KCNMA1: variants seen among roughly 807,000 people sequenced by gnomAD.
The protein encoded by KCNMA1 is potassium calcium-activated channel subfamily M alpha 1.
KCNMA1 carries 29 observed loss-of-function variants against 140.0 expected under a neutral mutation model. The observed-to-expected ratio is 0.21, with a 90% confidence interval of 0.15 to 0.28. The LOEUF (loss-of-function observed/expected upper bound fraction) is 0.28. Ranked by LOEUF, KCNMA1 falls within the 10% of genes least tolerant of loss-of-function variation. The pLI, the probability that KCNMA1 is intolerant of heterozygous loss-of-function variation, is 1.00. For missense variants in KCNMA1, 880 were observed against 1,602.2 expected, an observed-to-expected ratio of 0.55 and a Z score of 7.70; for synonymous variants, 612 against 611.9, an observed-to-expected ratio of 1.00 and a Z score of 0.00.
At chr10:76,899,564 C>T (rs564483849) in intron 25 of KCNMA1, among the ~76,000 whole-genome samples, 55 of 152,208 alleles carry the variant, frequency 3.6e-4, no homozygotes, top group African/African-American at 1.2e-3. Context: ...TCTGGGGCTG[C>T]TTTGGTGCTA....
Position 77,480,527 on chromosome 10 carries a change from A to G in KCNMA1, c.379-76504T>C, listed in dbSNP as rs534881724. Reference sequence around the variant, plus strand: ...TATTAAAGCATCCCAGAAAAAAAGAAACAGTCCCCATATCCTAGAGCAAGA... The same window carrying G: ...TATTAAAGCATCCCAGAAAAAAAGAGACAGTCCCCATATCCTAGAGCAAGA... On this transcript the variant is annotated intron_variant, in intron 1 of 27. Transcript: ENST00000286628. 2.6e-5 allele frequency among the ~76,000 whole-genome samples: 4 copies of G among 152,342 alleles called. No individual in the cohort carries two copies. In the South Asian group the frequency reaches 8.3e-4, roughly 32 times the overall value.
intron 13 of KCNMA1, 131 bp from the exon 14 acceptor site, chr10:77,073,383 G>T: frequency 1.1e-6 from 1 of 903,482 alleles, no homozygotes; most frequent in South Asian, 1.4e-5. Flanking sequence ...CCCTTGCTGC[G>T]GTCTGATGTT....
chr10:77,361,267 TTGGGGCAGACAAA>T (rs1314707122), intron 2 of KCNMA1, among the ~76,000 whole-genome samples: 3 of 152,204 alleles, frequency 2.0e-5, no homozygotes, highest in African/African-American at 7.2e-5. Context: ...ATCATCATCA[TTGGGGCAGACAAA>T]TCTCAGACCA....
rs1221711272 is a variant in KCNMA1, at chr10:77,332,205, C to G, written c.540+71657G>C. 6.6e-5 allele frequency among the ~76,000 whole-genome samples: 10 copies of G among 151,840 alleles called. No individual in the cohort carries two copies. In the East Asian group the frequency reaches 1.5e-3, roughly 23 times the overall value. ...CTGAATTTGGGGCCCAAAGCTGAGA[C>G]CTAAAGCGTGCACAGGAGTTGGCCA... On this transcript the variant is annotated intron_variant, in intron 2 of 27. Coordinates refer to ENST00000286628, the MANE Select transcript of KCNMA1 (RefSeq NM_001161352.2).
intron 1 of KCNMA1, among the ~76,000 whole-genome samples, chr10:77,469,612 TC>T (rs1223946753): frequency 2.6e-5 from 4 of 152,240 alleles, no homozygotes; most frequent in African/African-American, 9.6e-5. Context: ...AATAAGGACT[TC>T]AGAGGTATCA....
chr10:77,520,525 G>T (rs571177924), intron 1 of KCNMA1, among the ~76,000 whole-genome samples: 27 of 152,168 alleles, frequency 1.8e-4, no homozygotes, highest in Admixed American at 5.2e-4. Context: ...AGTATTAGCT[G>T]CCATTGTTGT....
intron 2 of KCNMA1, among the ~76,000 whole-genome samples, chr10:77,288,759 T>C (rs1324287003): frequency 6.6e-6 from 1 of 152,170 alleles, no homozygotes; most frequent in East Asian, 1.9e-4. Flanking sequence ...GTATGGCCAA[T>C]TGATGGCCTG....
chr10:76,953,149 G>A (rs554953712), intron 21 of KCNMA1, among the ~76,000 whole-genome samples: 1 of 152,238 alleles, frequency 6.6e-6, no homozygotes, highest in African/African-American at 2.4e-5. Flanking sequence ...CCTCCCCAAG[G>A]GGACTGTAGT....
chr10:76,947,027 G>T (rs1309368205), intron 22 of KCNMA1, among the ~76,000 whole-genome samples: 4 of 152,130 alleles, frequency 2.6e-5, no homozygotes, highest in Non-Finnish European at 5.9e-5. Context: ...GAAGAAAGAT[G>T]AGTGAACGTG....
chr10:77,471,485 T>TA (rs1348927190), intron 1 of KCNMA1, among the ~76,000 whole-genome samples: 1 of 147,428 alleles, frequency 6.8e-6, no homozygotes, highest in Non-Finnish European at 1.5e-5. Flanking sequence ...CAATACATGC[T>TA]ACACACACAC....
intron 16 of KCNMA1, 120 bp downstream of exon 16, chr10:77,027,703 T>G: frequency 1.2e-6 from 1 of 865,942 alleles, no homozygotes; most frequent in Non-Finnish European, 2.0e-6. Flanking sequence ...TCAGAGAGGT[T>G]TTACATCTGG....
At chr10:77,150,653 A>G (rs903195232) in intron 5 of KCNMA1, among the ~76,000 whole-genome samples, 4 of 152,266 alleles carry the variant, frequency 2.6e-5, no homozygotes, top group African/African-American at 9.6e-5. Flanking sequence ...CATAGCCCAC[A>G]TGGCAGAAGT....
chr10:77,143,888 C>A (rs1597078823), intron 5 of KCNMA1, among the ~76,000 whole-genome samples: 1 of 152,092 alleles, frequency 6.6e-6, no homozygotes, highest in African/African-American at 2.4e-5. Context: ...CACCACAAAT[C>A]CATTAGAATG....
chr10:76,954,274 CACACACACACACACACACAT>C (rs922497617), intron 20 of KCNMA1, among the ~76,000 whole-genome samples: 7 of 141,764 alleles, frequency 4.9e-5, no homozygotes, highest in Middle Eastern at 3.5e-3. Flanking sequence ...AGCGTGCACA[CACACACACACACACACACAT>C]ACACACACAC....
At chr10:77,037,085 T>A (rs1368133698) in intron 15 of KCNMA1, among the ~76,000 whole-genome samples, 1 of 152,206 alleles carries the variant, frequency 6.6e-6, no homozygotes, top group East Asian at 1.9e-4. Flanking sequence ...ATTTGTCTCC[T>A]TCTTGGGACA....
At chr10:77,307,845 G>A (rs531276978) in intron 2 of KCNMA1, among the ~76,000 whole-genome samples, 183 of 152,184 alleles carry the variant, frequency 1.2e-3, no homozygotes, top group Non-Finnish European at 2.1e-3. Context: ...CACTGCACCC[G>A]GCCTAAACAC....
chr10:77,616,919 G>T (rs946961507), intron 1 of KCNMA1, among the ~76,000 whole-genome samples: 1 of 152,100 alleles, frequency 6.6e-6, no homozygotes, highest in Non-Finnish European at 1.5e-5. Context: ...GAAGTGGCTT[G>T]CCCAAGATCC....
At chr10:77,511,811 A>G (rs2048522711) in intron 1 of KCNMA1, among the ~76,000 whole-genome samples, 1 of 152,240 alleles carries the variant, frequency 6.6e-6, no homozygotes. Flanking sequence ...AGAATTTACC[A>G]AGAAAATCAT....
intron 1 of KCNMA1, among the ~76,000 whole-genome samples, chr10:77,454,814 C>G (rs757749941): frequency 6.6e-6 from 1 of 152,158 alleles, no homozygotes; most frequent in South Asian, 2.1e-4. Context: ...GGACTGCTGT[C>G]TAAAACAATC....
Sources: allele counts gnomAD v4.1 joint callset (sites outside exome capture counted in the v4.1 genomes callset), GRCh38; gene constraint gnomAD v4.1.1; transcripts MANE v1.5; gene names NCBI Gene and HGNC (gene_info 2026-07-23, HGNC 2026-07-21).